VPS33A: variants seen among roughly 807,000 people sequenced by gnomAD.
The protein encoded by VPS33A is vacuolar protein sorting-associated protein 33A.
Under a neutral mutation model 71.8 loss-of-function variants are expected in VPS33A, and 32 were observed. The observed-to-expected ratio is 0.45, with a 90% confidence interval of 0.34 to 0.60. The LOEUF is 0.60. VPS33A is among the 20% of genes least tolerant of loss of function. The pLI is 0.02. For missense variants in VPS33A, 625 were observed against 748.5 expected (o/e 0.84, Z 1.92); for synonymous variants, 311 against 292.7 (o/e 1.06, Z -0.64).
chr12:122,250,748 T>A (rs904859310), intron 5 of VPS33A, among the ~76,000 whole-genome samples: 1 of 152,150 alleles, frequency 6.6e-6, no homozygotes, highest in African/African-American at 2.4e-5. Flanking sequence ...GCTGCCTCAG[T>A]TGGGAACATG....
At chr12:122,249,020 A>G (rs968754188) in intron 6 of VPS33A, 6 of 152,118 alleles carry the variant, frequency 3.9e-5, no homozygotes, top group Admixed American at 3.3e-4. Flanking sequence ...GCTTTCTAAA[A>G]ACTGACCCTT....
intron 8 of VPS33A, among the ~76,000 whole-genome samples, 180 bp downstream of exon 8, chr12:122,242,202 C>T (rs1399180725): frequency 6.6e-6 from 1 of 152,166 alleles, no homozygotes; most frequent in Non-Finnish European, 1.5e-5. Flanking sequence ...GCCACCATGC[C>T]CCGCCTGGAA....
chr12:122,257,552 A>G lies in VPS33A; in HGVS notation c.483+3709T>C, dbSNP rs140096560. Among the ~76,000 whole-genome samples the G allele has an allele frequency of 2.0e-5, 3 of 152,004 alleles. No individual in the cohort carries two copies. The East Asian group carries it at 5.8e-4, about 29-fold the overall frequency. Reference sequence around the variant, plus strand: ...GCTGGGCGTGGTGGTGTGTGCCTGTAATCCTAGTTACTTGGGAGGCTGAGG... The same window carrying G: ...GCTGGGCGTGGTGGTGTGTGCCTGTGATCCTAGTTACTTGGGAGGCTGAGG... On this transcript the variant is annotated intron_variant, in intron 4 of 12. Transcript: ENST00000267199.
intron 4 of VPS33A, among the ~76,000 whole-genome samples, chr12:122,260,204 A>G (rs1954973995): frequency 6.6e-6 from 1 of 152,138 alleles, no homozygotes; most frequent in Admixed American, 6.6e-5. Context: ...TAGAGAGTGG[A>G]GATAGTTGCA....
At position 122,266,382 on chromosome 12, in the gene VPS33A, T is replaced by C. The variant is rs1955072216; in HGVS notation, c.27A>G (p.Arg9=). Residue 9 remains arginine (R), a synonymous_variant, in exon 1 of 13, where the codon CGA becomes CGG. Transcript: ENST00000267199. ...CCTCGCGCAACACGTTTAGGTTCAC[T>C]CGGCCGTAGGACAGATGAGCCGCCA... is the stretch of plus-strand genomic sequence containing the variant. The part of the protein sequence containing the change: MAAHLSYG[R]VNLNVLREAV... The C allele has an allele frequency of 1.2e-6, 2 of 1,613,444 alleles. No homozygotes were observed. The highest frequency in any genetic ancestry group is 1.3e-5 in the African/African-American group (1 of 74,976).
At chr12:122,239,226 A>G (rs1216502903) in intron 9 of VPS33A, among the ~76,000 whole-genome samples, 2 of 152,256 alleles carry the variant, frequency 1.3e-5, no homozygotes, top group Admixed American at 6.5e-5. Flanking sequence ...CATAAAGTGA[A>G]TAATTTAAAA....
At chr12:122,243,490 C>G (rs11057279) in intron 7 of VPS33A, among the ~76,000 whole-genome samples, 23,420 of 152,238 alleles carry the variant, frequency 0.15, 2,388 homozygotes, top group Non-Finnish European at 0.22. Context: ...CCTCCTGCCT[C>G]AGCCTCCGAC....
In VPS33A at chr12:122,260,453, C is replaced by G. The variant is rs569191330; in HGVS notation, c.483+808G>C. 7.2e-5 allele frequency among the ~76,000 whole-genome samples: 11 copies of G among 152,002 alleles called. No individual in the cohort carries two copies. In the East Asian group the frequency reaches 2.1e-3, roughly 30 times the overall value. On this transcript the variant is annotated intron_variant, in intron 4 of 12. Coordinates refer to ENST00000267199, the MANE Select transcript of VPS33A (RefSeq NM_022916.6). ...TAGCTGGGACCACAGGGACCCACCA[C>G]CACACCCGGTTAATTTTGTATTTCT...
chr12:122,263,523 G>C (rs370707215), intron 3 of VPS33A, 49 bp downstream of exon 3: 188 of 1,528,178 alleles, frequency 1.2e-4, no homozygotes, highest in Non-Finnish European at 1.6e-4. Flanking sequence ...TAAATTAAAA[G>C]CATTATAAGA....
intron 9 of VPS33A, 46 bp from the exon 10 acceptor site, chr12:122,238,770 T>A: frequency 3.4e-6 from 3 of 871,996 alleles, no homozygotes; most frequent in Non-Finnish European, 3.6e-6. Context: ...TACATATACA[T>A]ACACACACAC....
chr12:122,260,126 G>C (rs1440597681), intron 4 of VPS33A, among the ~76,000 whole-genome samples: 1 of 152,082 alleles, frequency 6.6e-6, no homozygotes, highest in Non-Finnish European at 1.5e-5. Flanking sequence ...GCTGAGGGAA[G>C]GAAAGATAGC....
rs144390821 is a variant in VPS33A, at chr12:122,235,350, C to T, written c.1440+436G>A. 7.9e-3 allele frequency among the ~76,000 whole-genome samples: 1,194 copies of T among 151,558 alleles called. 19 individuals are homozygous for T. Among genetic ancestry groups the T allele is most frequent in the African/African-American group, 0.028 (1,139 of 41,284 alleles). The stretch of plus-strand genomic sequence containing the variant: ...CATGATCTGAGCTCACTACAACCTC[C>T]GCCTCCCAGGTTCAAGCAATTCTCC... On this transcript the variant is annotated intron_variant, in intron 11 of 12. Transcript: ENST00000267199.
At chr12:122,242,252 GAGA>G (rs1488179866) in intron 8 of VPS33A, 127 bp downstream of exon 8, 1 of 1,158,418 alleles carries the variant, frequency 8.6e-7, no homozygotes. Flanking sequence ...CATTAACACT[GAGA>G]AGAACACGTG....
chr12:122,263,427 T>G, intron 3 of VPS33A, 145 bp downstream of exon 3: 1 of 998,078 alleles, frequency 1.0e-6, no homozygotes, highest in South Asian at 2.5e-5. Flanking sequence ...CCATCTTCTC[T>G]TTTATATTCT....
chr12:122,254,444 C>T (rs1954888649), intron 4 of VPS33A, among the ~76,000 whole-genome samples: 1 of 140,146 alleles, frequency 7.1e-6, no homozygotes, highest in Admixed American at 7.4e-5. Flanking sequence ...GCTCTGTTGC[C>T]CAGGCTGGAG....
intron 6 of VPS33A, among the ~76,000 whole-genome samples, chr12:122,247,372 C>G (rs1198555410): frequency 6.6e-6 from 1 of 152,056 alleles, no homozygotes; most frequent in Admixed American, 6.6e-5. Context: ...TCTTTCATGC[C>G]TTCCTGGGTG....
chr12:122,242,205 G>A (rs754091113), intron 8 of VPS33A, among the ~76,000 whole-genome samples, 177 bp downstream of exon 8: 4 of 152,090 alleles, frequency 2.6e-5, no homozygotes, highest in Admixed American at 1.3e-4. Context: ...ACCATGCCCC[G>A]CCTGGAATAT....
Position 122,240,252 on chromosome 12 carries a change from G to A in VPS33A, c.1097-307C>T, listed in dbSNP as rs115420163. Among the ~76,000 whole-genome samples, 11,934 of 152,066 alleles carry A rather than the reference G, an allele frequency of 0.078. 572 individuals carry two copies. The highest frequency in any genetic ancestry group is 0.13 in the African/African-American group (5,316 of 41,454). Reference sequence around the variant, plus strand: ...CTAAGGCACAAGAATCACTTGAGGCGGGGAGGCGGAGGTTACAGTGAGCCA... The same window carrying A: ...CTAAGGCACAAGAATCACTTGAGGCAGGGAGGCGGAGGTTACAGTGAGCCA... On this transcript the variant is annotated intron_variant, in intron 8 of 12. Transcript: ENST00000267199.
chr12:122,265,781 A>G, intron 1 of VPS33A: 1 of 444,956 alleles, frequency 2.2e-6, no homozygotes, highest in Non-Finnish European at 4.6e-6. Context: ...AAAATCTCTG[A>G]TCTAGTTCCT....
Sources: allele counts gnomAD v4.1 joint callset (sites outside exome capture counted in the v4.1 genomes callset), GRCh38; gene constraint gnomAD v4.1.1; transcripts MANE v1.5; gene names NCBI Gene and HGNC (gene_info 2026-07-23, HGNC 2026-07-21).